Variants in RAB38 observed in about 807,000 individuals in gnomAD.
RAB38 encodes the protein ras-related protein Rab-38.
A neutral mutation model predicts 18.4 loss-of-function variants in RAB38; 15 were observed. The ratio of observed to expected loss-of-function variants is 0.82; its 90% CI spans 0.55 to 1.26. The LOEUF is 1.26. RAB38 is among the 50% of genes most tolerant of loss of function. The pLI, the probability that RAB38 is intolerant of heterozygous loss-of-function variation, is 0.00. For missense variants in RAB38, 294 were observed against 267.4 expected (o/e 1.10, Z -0.69); for synonymous variants, 101 against 104.4 (o/e 0.97, Z 0.20).
the RAB38 span, among the ~76,000 whole-genome samples, chr11:87,849,477 C>T: frequency 2.6e-5 from 4 of 152,240 alleles, no homozygotes; most frequent in East Asian, 7.7e-4. Flanking sequence ...TATCTTGTCA[C>T]ACAGACAGAA....
At chr11:87,874,915 C>G in the RAB38 span, among the ~76,000 whole-genome samples, 1 of 151,304 alleles carries the variant, frequency 6.6e-6, no homozygotes, top group Non-Finnish European at 1.5e-5. Flanking sequence ...AAAAATAGAA[C>G]TACCATATGG....
downstream of RAB38, among the ~76,000 whole-genome samples, chr11:88,112,161 T>C (rs1942482063): frequency 6.6e-6 from 1 of 152,228 alleles, no homozygotes. Context: ...TCATGGATTG[T>C]TCTCTACATT....
chr11:88,056,383 T>C, the RAB38 span, among the ~76,000 whole-genome samples: 2 of 152,196 alleles, frequency 1.3e-5, no homozygotes, highest in Admixed American at 6.5e-5. Context: ...AATCATGTGC[T>C]GGTATTTCTT....
chr11:87,960,117 C>T, the RAB38 span, among the ~76,000 whole-genome samples: 98 of 152,202 alleles, frequency 6.4e-4, no homozygotes, highest in African/African-American at 2.2e-3. Context: ...TCTCCATTTT[C>T]AGGGCTTTTA....
chr11:87,869,198 C>T, the RAB38 span, among the ~76,000 whole-genome samples: 1 of 151,672 alleles, frequency 6.6e-6, no homozygotes, highest in African/African-American at 2.4e-5. Flanking sequence ...ATCATCTGCT[C>T]TCTCATCAAC....
chr11:88,103,304 ACTGT>A, the RAB38 span, among the ~76,000 whole-genome samples: 2 of 152,180 alleles, frequency 1.3e-5, no homozygotes, highest in South Asian at 4.1e-4. Flanking sequence ...CTACATGTTT[ACTGT>A]CTATTTCATT....
At chr11:88,030,593 A>C in the RAB38 span, among the ~76,000 whole-genome samples, 30 of 152,278 alleles carry the variant, frequency 2.0e-4, no homozygotes, top group African/African-American at 7.0e-4. Flanking sequence ...AGAGAATACA[A>C]AAACACCTCT....
chr11:87,924,124 C>A, the RAB38 span, among the ~76,000 whole-genome samples: 1 of 151,858 alleles, frequency 6.6e-6, no homozygotes, highest in South Asian at 2.1e-4. Context: ...CCTAACACAC[C>A]TGTAAGAAGG....
chr11:87,857,092 C>T, the RAB38 span, among the ~76,000 whole-genome samples: 5 of 152,128 alleles, frequency 3.3e-5, no homozygotes, highest in African/African-American at 1.2e-4. Flanking sequence ...CAATTCCCAC[C>T]TATGAGTGAG....
downstream of RAB38, among the ~76,000 whole-genome samples, chr11:88,111,212 C>G (rs1161676500): frequency 2.0e-5 from 3 of 152,156 alleles, no homozygotes; most frequent in East Asian, 5.8e-4. Context: ...TCGTCCTTAT[C>G]AAGATGTTGC....
the RAB38 span, among the ~76,000 whole-genome samples, chr11:87,820,343 C>G: frequency 6.6e-6 from 1 of 152,130 alleles, no homozygotes; most frequent in Non-Finnish European, 1.5e-5. Context: ...TGAGCCAAAA[C>G]AAACCAATAA....
At chr11:87,955,341 CAACAATG>C in the RAB38 span, among the ~76,000 whole-genome samples, 2 of 152,028 alleles carry the variant, frequency 1.3e-5, no homozygotes, top group Non-Finnish European at 2.9e-5. Context: ...TAAAATAAGT[CAACAATG>C]GACACTGGAG....
intron 1 of RAB38, among the ~76,000 whole-genome samples, chr11:88,156,253 G>T (rs1234780070): frequency 6.6e-6 from 1 of 152,096 alleles, no homozygotes; most frequent in Admixed American, 6.5e-5. Context: ...CAATGCTAAA[G>T]AAAAGAATCT....
At chr11:88,052,923 T>C in the RAB38 span, among the ~76,000 whole-genome samples, 1 of 23,680 alleles carries the variant, frequency 4.2e-5, no homozygotes, top group Non-Finnish European at 6.9e-5. Flanking sequence ...TATATATATA[T>C]ATATATATAT....
chr11:87,812,891 G>T, the RAB38 span, among the ~76,000 whole-genome samples: 1 of 152,056 alleles, frequency 6.6e-6, no homozygotes, highest in Non-Finnish European at 1.5e-5. Flanking sequence ...TTGAAGATGG[G>T]AACTATAACA....
At chr11:88,080,651 A>G in the RAB38 span, among the ~76,000 whole-genome samples, 1 of 152,156 alleles carries the variant, frequency 6.6e-6, no homozygotes, top group East Asian at 1.9e-4. Context: ...TGAAGTTGCA[A>G]TAAACATCAC....
chr11:88,016,989 A>G, the RAB38 span, among the ~76,000 whole-genome samples: 1 of 152,240 alleles, frequency 6.6e-6, no homozygotes, highest in South Asian at 2.1e-4. Flanking sequence ...ATAAATGTTA[A>G]TAGGGAAAGA....
the RAB38 span, among the ~76,000 whole-genome samples, chr11:88,013,371 T>C: frequency 6.6e-6 from 1 of 152,162 alleles, no homozygotes; most frequent in Non-Finnish European, 1.5e-5. Context: ...TTCAACAGAA[T>C]AGAAGTGAAT....
chr11:88,114,008 AG>A lies in RAB38; in HGVS notation c.615del (p.Ser206LeufsTer33), dbSNP rs759297748. The A allele has an allele frequency of 3.1e-6, 5 of 1,614,174 alleles. No homozygotes were observed. The highest frequency in any genetic ancestry group is 2.5e-6 in the Non-Finnish European group (3 of 1,180,014). Reference protein sequence around the residue: ...PHLTSTKVASCSGCAKS With the variant: ...PHLTSTKVASXSGCAKS ...GCCTACTAGGATTTGGCACAGCCAG[AG>A]CAGCTGGCAACCTTGGTTGATGTGA... On this transcript the variant is annotated frameshift_variant, in exon 3 of 3. Coordinates refer to ENST00000243662, the MANE Select transcript of RAB38 (RefSeq NM_022337.3). LOFTEE classifies it high-confidence loss of function.
Sources: allele counts gnomAD v4.1 joint callset (sites outside exome capture counted in the v4.1 genomes callset), GRCh38; gene constraint gnomAD v4.1.1; transcripts MANE v1.5; gene names NCBI Gene and HGNC (gene_info 2026-07-23, HGNC 2026-07-21).